NOP14: variants seen among roughly 807,000 people sequenced by gnomAD.
The protein encoded by NOP14 is nucleolar protein 14.
A neutral mutation model predicts 101.6 loss-of-function variants in NOP14; 57 were observed. That is an observed-to-expected ratio of 0.56 (90% CI 0.45 to 0.70). The LOEUF is 0.70. Among genes scored for constraint, NOP14 ranks in the 30% least tolerant of loss-of-function variants. NOP14 has a pLI of 0.00. For synonymous variants in NOP14, 428 were observed against 424.0 expected (o/e 1.01, Z -0.12); for missense variants, 1,134 against 1,075.5 (o/e 1.05, Z -0.76).
rs1714281413 is a variant in NOP14, at chr4:2,942,447, C to A, written c.1892-96G>T. 8.2e-6 allele frequency: 10 copies of A among 1,219,936 alleles called. No homozygotes were observed. The South Asian group carries it at 1.4e-4, about 17-fold the overall frequency. 75.6% of individuals were successfully genotyped at this position (1,219,936 alleles called of 1,614,324 possible). Reference sequence around the variant, plus strand: ...GAGCCTGTGGAAGTTCACCCTCTAACAGACGCACACCGATTTTTATGTTTC... The same window carrying A: ...GAGCCTGTGGAAGTTCACCCTCTAAAAGACGCACACCGATTTTTATGTTTC... On this transcript the variant is annotated intron_variant, in intron 13 of 17. Transcript: ENST00000416614.
intron 10 of NOP14, chr4:2,946,918 G>A (rs565211743): frequency 3.5e-6 from 1 of 282,314 alleles, no homozygotes; most frequent in East Asian, 9.9e-5. Context: ...ATGACGTGGA[G>A]AGCTCCGCGC....
chr4:2,938,334 A>AGTAG lies in NOP14; in HGVS notation c.*496_*497insCTAC. The AGTAG allele has an allele frequency of 1.7e-6, 1 of 591,306 alleles. No individual in the cohort carries two copies. Among genetic ancestry groups the AGTAG allele is most frequent in the Non-Finnish European group, 2.8e-6 (1 of 359,186 alleles). 36.6% of individuals were successfully genotyped at this position (591,306 alleles called of 1,614,324 possible). A position where few individuals can be genotyped will look rare whatever the true frequency, so the allele number is the denominator to read the frequency against. Reference sequence around the variant, plus strand: ...TCGGGAATTCGAGACCAGCCTGACCAACATGGAGAAACCCCGTCTCTACTA... The same window carrying AGTAG: ...TCGGGAATTCGAGACCAGCCTGACCAGTAGACATGGAGAAACCCCGTCTCTACTA... On this transcript the variant is annotated 3_prime_UTR_variant, in exon 18 of 18. Transcript: ENST00000416614.
Position 2,944,568 on chromosome 4 carries a change from A to G in NOP14, c.1738-342T>C, listed in dbSNP as rs187932802. 2.7e-3 allele frequency among the ~76,000 whole-genome samples: 409 copies of G among 152,224 alleles called. 2 individuals carry two copies. Among genetic ancestry groups the G allele is most frequent in the African/African-American group, 6.8e-3 (282 of 41,538 alleles). ...ATTACAGGCATGTGGCACCACACCC[A>G]GCTAATTTTTGTATTTTTAGTAGAG... is the stretch of plus-strand genomic sequence containing the variant. On this transcript the variant is annotated intron_variant, in intron 12 of 17. Transcript: ENST00000416614.
At chr4:2,939,781 G>A (rs928944866) in intron 15 of NOP14, 136 bp from the exon 16 acceptor site, 10 of 742,258 alleles carry the variant, frequency 1.3e-5, no homozygotes, top group Non-Finnish European at 2.2e-5. Context: ...TGCCCTTGCT[G>A]TGCGCCTACC....
intron 9 of NOP14, 95 bp from the exon 10 acceptor site, chr4:2,947,706 CA>C: frequency 9.7e-7 from 1 of 1,029,974 alleles, no homozygotes; most frequent in Non-Finnish European, 1.5e-6. Flanking sequence ...ATTCTGGTGA[CA>C]ACCAGGTGGG....
rs776494534 is a variant in NOP14, at chr4:2,956,823, G to GA, written c.331-13dup. On this transcript the variant is annotated splice_polypyrimidine_tract_variant and intron_variant, in intron 2 of 17. Coordinates refer to ENST00000416614, the MANE Select transcript of NOP14 (RefSeq NM_001291978.2). ...TTCTCATGATGTCGCTGACAGAAGA[G>GA]AAAAAAAGTTTCCTAAAATTACCAC... is the stretch of plus-strand genomic sequence containing the variant. 1.3e-6 allele frequency: 2 copies of GA among 1,518,844 alleles called. No homozygotes were observed. The highest frequency in any genetic ancestry group is 2.9e-5 in the African/African-American group (2 of 69,216). 94.1% of individuals were successfully genotyped at this position (1,518,844 alleles called of 1,614,324 possible).
intron 1 of NOP14, among the ~76,000 whole-genome samples, chr4:2,959,335 G>A (rs1023729495): frequency 2.0e-5 from 3 of 152,332 alleles, no homozygotes; most frequent in South Asian, 4.1e-4. Flanking sequence ...GCTCACGCCT[G>A]TAATTCCAGC....
intron 9 of NOP14, 76 bp downstream of exon 9, chr4:2,948,202 C>T: frequency 1.3e-6 from 2 of 1,501,304 alleles, no homozygotes; most frequent in Non-Finnish European, 1.8e-6. Flanking sequence ...CGTTGCACAA[C>T]TTCACACAAT....
In NOP14 at chr4:2,938,304, T is replaced by G. The variant is rs1308080645; in HGVS notation, c.*527A>C. 9.7e-7 allele frequency: 1 copy of G among 1,032,344 alleles called. No homozygotes were observed. The highest frequency in any genetic ancestry group is 6.0e-5 in the East Asian group (1 of 16,674). 63.9% of individuals were successfully genotyped at this position (1,032,344 alleles called of 1,614,324 possible). On this transcript the variant is annotated 3_prime_UTR_variant, in exon 18 of 18. Transcript: ENST00000416614. ...GGGGGGCCAAGGCAGGTGGATTACCTGAGGTCGGGAATTCGAGACCAGCCT... is the reference window on the plus strand; with the variant it reads ...GGGGGGCCAAGGCAGGTGGATTACCGGAGGTCGGGAATTCGAGACCAGCCT...
intron 9 of NOP14, 165 bp from the exon 10 acceptor site, chr4:2,947,776 G>C (rs1337574327): frequency 6.4e-6 from 4 of 627,996 alleles, no homozygotes; most frequent in Non-Finnish European, 1.1e-5. Context: ...CAAATACACT[G>C]CTAGAACTTG....
intron 8 of NOP14, 81 bp from the exon 9 acceptor site, chr4:2,948,489 C>A: frequency 2.6e-6 from 3 of 1,156,424 alleles, no homozygotes; most frequent in South Asian, 1.7e-5. Context: ...GAGTCTCGCT[C>A]TGTTGCCCAG....
At chr4:2,945,081 C>T (rs1280196133) in intron 12 of NOP14, 47 bp downstream of exon 12, 13 of 1,374,926 alleles carry the variant, frequency 9.5e-6, no homozygotes, top group South Asian at 1.2e-5. Flanking sequence ...GCTCCGGCCA[C>T]CCGTGGTGCA....
At position 2,963,334 on chromosome 4, in the gene NOP14, T is replaced by G. The variant is rs1716310686; in HGVS notation, c.-15A>C. ...GCCTTCGCCATGGCGCGCGCCCCGC[T>G]GCGCCCAAGGGCCCGAGACCCGAAG... On this transcript the variant is annotated 5_prime_UTR_variant, in exon 1 of 18. Coordinates refer to ENST00000416614, the MANE Select transcript of NOP14 (RefSeq NM_001291978.2). The G allele has an allele frequency of 5.8e-6, 9 of 1,558,788 alleles. No individual in the cohort carries two copies. The highest frequency in any genetic ancestry group is 7.8e-6 in the Non-Finnish European group (9 of 1,157,844).
Position 2,941,399 on chromosome 4 carries a change from G to C in NOP14, c.2199+183C>G. ...GAGATGCAGCATCTGCTTTACTCCA[G>C]CCCAGCACTGCTCACCGTCACTGCC... On this transcript the variant is annotated intron_variant, in intron 15 of 17. Transcript: ENST00000416614. 3 of 617,532 alleles carry C rather than the reference G, an allele frequency of 4.9e-6. No homozygotes were observed. The Admixed American group carries it at 8.7e-5, about 18-fold the overall frequency. 38.3% of individuals were successfully genotyped at this position (617,532 alleles called of 1,614,324 possible).
chr4:2,947,469 G>A (rs971925085), intron 10 of NOP14, 57 bp downstream of exon 10: 15 of 1,189,058 alleles, frequency 1.3e-5, no homozygotes, highest in Non-Finnish European at 1.8e-5. Flanking sequence ...ACTCTAAATG[G>A]GAGAAAAATT....
chr4:2,938,532 A>G lies in NOP14; in HGVS notation c.*299T>C, dbSNP rs1713852708. 1 of 396,476 alleles carries G rather than the reference A, an allele frequency of 2.5e-6. No individual in the cohort carries two copies. The highest frequency in any genetic ancestry group is 2.1e-5 in the African/African-American group (1 of 48,492). The allele number at this position is 396,476 out of a possible 1,614,324, so 24.6% of individuals were successfully genotyped here. ...AAAAAAAAATTTTTTTTTAAGCGAC[A>G]CAGTCTTGCACTGTGGCCGAGGCTG... On this transcript the variant is annotated 3_prime_UTR_variant, in exon 18 of 18. Coordinates refer to ENST00000416614, the MANE Select transcript of NOP14 (RefSeq NM_001291978.2).
Position 2,939,292 on chromosome 4 carries a change from C to T in NOP14, c.2370G>A (p.Lys790=), listed in dbSNP as rs1419285989. 1 of 1,613,936 alleles carries T rather than the reference C, an allele frequency of 6.2e-7. No homozygotes were observed. The highest frequency in any genetic ancestry group is 8.5e-7 in the Non-Finnish European group (1 of 1,180,044). The change falls in exon 17 of 18, where the codon AAG becomes AAA. Residue 790 remains lysine (K), a synonymous_variant. Transcript: ENST00000416614. ...CACGCTTGTGTTTGTGGATCAGCCTCTTCCTTTCCTGTTCCTCCTTACTAC... is the reference window on the plus strand; with the variant it reads ...CACGCTTGTGTTTGTGGATCAGCCTTTTCCTTTCCTGTTCCTCCTTACTAC... The part of the protein sequence containing the change: ...QGSSKEEQER[K]RLIHKHKREF...
intron 13 of NOP14, 109 bp from the exon 14 acceptor site, chr4:2,942,460 A>AT: frequency 8.9e-7 from 1 of 1,125,422 alleles, no homozygotes; most frequent in Non-Finnish European, 1.3e-6. Flanking sequence ...ACGCACACCG[A>AT]TTTTTATGTT....
rs2109300668 is a variant in NOP14 at position 2,946,485 on chromosome 4, A to G, written c.1562T>C (p.Leu521Pro). ...ESASDAIKFV[L>P]RDAMHEMEEM... is the part of the protein sequence containing the mutation. ...TTCCATCTCATGCATCGCATCTCGG[A>G]GAACAAATTTGATAGCGTCACTTGC... The change falls in exon 11 of 18, where the codon CTC (leucine) becomes CCC (proline). Residue 521 changes from leucine to proline, a missense_variant. Physicochemically the swap from Leu to Pro is moderately conservative, Grantham distance 98. Transcript: ENST00000416614. The G allele has an allele frequency of 6.2e-7, 1 of 1,614,180 alleles. No individual in the cohort carries two copies. Among genetic ancestry groups the G allele is most frequent in the African/African-American group, 1.3e-5 (1 of 75,038 alleles).
Sources: allele counts gnomAD v4.1 joint callset (sites outside exome capture counted in the v4.1 genomes callset), GRCh38; gene constraint gnomAD v4.1.1; transcripts MANE v1.5; gene names NCBI Gene and HGNC (gene_info 2026-07-23, HGNC 2026-07-21).